C12orf54: variants seen among roughly 807,000 people sequenced by gnomAD.
C12orf54 encodes the protein chromosome 12 open reading frame 54, also known as uncharacterized protein C12orf54.
In C12orf54, 24 loss-of-function variants were observed where a neutral mutation model predicts 26.4. The observed-to-expected ratio is 0.91, with a 90% confidence interval of 0.66 to 1.28. The LOEUF (loss-of-function observed/expected upper bound fraction) is 1.28, where lower values mean the gene tolerates loss of function less well. C12orf54 is among the 50% of genes most tolerant of loss of function. The pLI is 0.00. For synonymous variants in C12orf54, 54 were observed against 47.0 expected (o/e 1.15, Z -0.61); for missense variants, 154 against 150.9 (o/e 1.02, Z -0.11).
the C12orf54 span, chr12:48,473,147 G>A: frequency 1.3e-6 from 2 of 1,588,848 alleles, no homozygotes; most frequent in Admixed American, 1.7e-5. Flanking sequence ...CGGATGGTGA[G>A]GGCTTTGTGG....
chr12:48,447,384 G>A, the C12orf54 span, among the ~76,000 whole-genome samples: 4 of 152,098 alleles, frequency 2.6e-5, no homozygotes, highest in African/African-American at 7.2e-5. Context: ...CTAGACTATG[G>A]TGTTTTGCTA....
chr12:48,495,274 G>A (rs1937887886), intron 8 of C12orf54, among the ~76,000 whole-genome samples: 1 of 152,166 alleles, frequency 6.6e-6, no homozygotes, highest in Non-Finnish European at 1.5e-5. Flanking sequence ...ATAGTGTTCA[G>A]GAATCAGGGA....
the C12orf54 span, among the ~76,000 whole-genome samples, chr12:48,423,702 C>A: frequency 1.3e-5 from 2 of 152,064 alleles, no homozygotes; most frequent in South Asian, 4.1e-4. Flanking sequence ...TTTTTAATAT[C>A]TTGTACTTTG....
the C12orf54 span, among the ~76,000 whole-genome samples, chr12:48,435,952 G>A: frequency 1.3e-5 from 2 of 152,178 alleles, no homozygotes; most frequent in South Asian, 4.1e-4. Context: ...CAATTAAAGG[G>A]CACAGACTGG....
chr12:48,429,745 G>A, the C12orf54 span, among the ~76,000 whole-genome samples: 2 of 152,084 alleles, frequency 1.3e-5, no homozygotes, highest in Non-Finnish European at 2.9e-5. Context: ...ACTGCCAAAA[G>A]CAATCTACAA....
the C12orf54 span, among the ~76,000 whole-genome samples, chr12:48,450,179 CCTTT>C: frequency 2.0e-5 from 3 of 152,104 alleles, no homozygotes; most frequent in African/African-American, 7.2e-5. Context: ...AAGAAACAAT[CCTTT>C]CTAACAGTCA....
At chr12:48,488,178 C>T in intron 4 of C12orf54, 2 of 734,078 alleles carry the variant, frequency 2.7e-6, no homozygotes, top group Non-Finnish European at 5.1e-6. Context: ...TATCCAGTAT[C>T]TCCATGATTA....
At chr12:48,483,945 G>C (rs994306232) in intron 2 of C12orf54, among the ~76,000 whole-genome samples, 6 of 152,170 alleles carry the variant, frequency 3.9e-5, no homozygotes, top group Admixed American at 3.3e-4. Flanking sequence ...TGTAATCCCA[G>C]CACTTTGGGA....
chr12:48,440,771 A>G, the C12orf54 span, among the ~76,000 whole-genome samples: 3 of 152,188 alleles, frequency 2.0e-5, no homozygotes, highest in Admixed American at 6.5e-5. Context: ...ACAGATCCCA[A>G]TTGTCCTCAG....
At chr12:48,491,944 G>T (rs1046397713) in intron 6 of C12orf54, among the ~76,000 whole-genome samples, 4 of 152,090 alleles carry the variant, frequency 2.6e-5, no homozygotes, top group Admixed American at 6.5e-5. Flanking sequence ...CTCTCGTATG[G>T]TGCCAAAGCT....
At chr12:48,440,734 A>G in the C12orf54 span, among the ~76,000 whole-genome samples, 2 of 152,230 alleles carry the variant, frequency 1.3e-5, no homozygotes, top group Non-Finnish European at 2.9e-5. Flanking sequence ...TCTCTATGGG[A>G]CATGCCTAGG....
At chr12:48,474,275 C>A in the C12orf54 span, among the ~76,000 whole-genome samples, 1 of 152,198 alleles carries the variant, frequency 6.6e-6, no homozygotes, top group South Asian at 2.1e-4. Flanking sequence ...GCCAAGATGG[C>A]CGAATGGGAA....
intron 4 of C12orf54, 49 bp downstream of exon 4, chr12:48,486,775 G>T (rs1205935583): frequency 6.4e-7 from 1 of 1,554,190 alleles, no homozygotes; most frequent in Admixed American, 1.7e-5. Context: ...GGTGGGAGGT[G>T]GGGGAAGTCT....
At chr12:48,495,218 A>G (rs569784471) in intron 8 of C12orf54, among the ~76,000 whole-genome samples, 5 of 152,310 alleles carry the variant, frequency 3.3e-5, no homozygotes, top group African/African-American at 9.6e-5. Flanking sequence ...GGACAGTTTT[A>G]TACAAGGATC....
chr12:48,433,469 G>A, the C12orf54 span, among the ~76,000 whole-genome samples: 1 of 119,972 alleles, frequency 8.3e-6, no homozygotes, highest in African/African-American at 3.3e-5. Context: ...GGGGGGGGGG[G>A]CAGGATCTTG....
the C12orf54 span, among the ~76,000 whole-genome samples, chr12:48,469,401 A>G: frequency 1.3e-5 from 2 of 152,224 alleles, no homozygotes; most frequent in Non-Finnish European, 2.9e-5. Flanking sequence ...AAGAAGAGAA[A>G]TATGACTCGG....
chr12:48,444,013 A>G, the C12orf54 span, among the ~76,000 whole-genome samples: 1 of 152,266 alleles, frequency 6.6e-6, no homozygotes, highest in East Asian at 1.9e-4. Flanking sequence ...AGAATTAAAG[A>G]AAAACTTTTT....
the C12orf54 span, chr12:48,472,725 G>A: frequency 6.2e-7 from 1 of 1,614,182 alleles, no homozygotes; most frequent in South Asian, 1.1e-5. Context: ...CGATGTGAAA[G>A]AACTTTTCCT....
the C12orf54 span, among the ~76,000 whole-genome samples, chr12:48,465,204 T>TAAAAAAATTTACAAGA: frequency 1.3e-5 from 2 of 152,160 alleles, no homozygotes; most frequent in South Asian, 4.2e-4. Flanking sequence ...GTAAGGAACT[T>TAAAAAAATTTACAAGA]AAACAAATTT....
Sources: gnomAD v4.1 joint callset for allele counts (sites outside exome capture counted in the v4.1 genomes callset) on GRCh38, gnomAD v4.1.1 for gene constraint, MANE v1.5 for transcripts, NCBI Gene and HGNC (gene_info 2026-07-23, HGNC 2026-07-21) for gene names.